UNC79: variants seen among roughly 807,000 people sequenced by gnomAD.
UNC79 encodes unc-79 subunit of NALCN channel complex.
In UNC79, 37 loss-of-function variants were observed where a neutral mutation model predicts 283.1. The observed-to-expected ratio is 0.13, with a 90% CI of 0.10 to 0.17. The LOEUF (loss-of-function observed/expected upper bound fraction) is 0.17. Among genes scored for constraint, UNC79 ranks in the 10% least tolerant of loss-of-function variants. The pLI, the probability that UNC79 is intolerant of heterozygous loss-of-function variation, is 1.00. For missense variants in UNC79, 2,272 were observed against 3,211.1 expected, an observed-to-expected ratio of 0.71 and a Z score of 7.07; for synonymous variants, 1,107 against 1,200.2, an observed-to-expected ratio of 0.92 and a Z score of 1.61.
intron 40 of UNC79, among the ~76,000 whole-genome samples, chr14:93,665,904 T>A (rs2140504573): frequency 6.7e-6 from 1 of 150,040 alleles, no homozygotes; most frequent in South Asian, 2.1e-4. Context: ...AAGGAAGGAG[T>A]GAAATGTGTG....
Position 93,357,676 on chromosome 14 carries a change from CATATATATATATATATATATATAT to C in UNC79, c.-351+24174_-351+24197del, listed in dbSNP as rs60284787. On this transcript the variant is annotated intron_variant, in intron 1 of 49. Transcript: ENST00000256339. ...GAGTTAATACTACTTAATAAACTCC[CATATATATATATATATATATATAT>C]ATATATATATATATATATATGGATA... Among the ~76,000 whole-genome samples, 105 of 32,360 alleles carry C rather than the reference CATATATATATATATATATATATAT, an allele frequency of 3.2e-3. 3 individuals carry two copies. Among genetic ancestry groups the C allele is most frequent in the South Asian group, 0.018 (13 of 742 alleles). The allele number at this position is 32,360 out of a possible 152,430, so 21.2% of individuals were successfully genotyped here. A position where few individuals can be genotyped will look rare whatever the true frequency, so the allele number is the denominator to read the frequency against.
chr14:93,572,189 A>G, intron 15 of UNC79, 105 bp downstream of exon 15: 2 of 1,249,082 alleles, frequency 1.6e-6, no homozygotes, highest in Non-Finnish European at 2.1e-6. Flanking sequence ...ATATAATCTC[A>G]TTTATTTTTT....
chr14:93,693,657 T>C (rs2074873092), intron 46 of UNC79, among the ~76,000 whole-genome samples: 1 of 152,178 alleles, frequency 6.6e-6, no homozygotes, highest in Non-Finnish European at 1.5e-5. Context: ...GAAGCAGATC[T>C]GCAGTGAATT....
At chr14:93,463,469 C>T (rs2057036642) in intron 1 of UNC79, among the ~76,000 whole-genome samples, 1 of 152,074 alleles carries the variant, frequency 6.6e-6, no homozygotes, top group Admixed American at 6.5e-5. Flanking sequence ...TTTTTTCTTT[C>T]CCTTCGACAA....
At chr14:93,590,421 T>C (rs561966915) in intron 22 of UNC79, among the ~76,000 whole-genome samples, 3 of 152,024 alleles carry the variant, frequency 2.0e-5, no homozygotes, top group Non-Finnish European at 2.9e-5. Flanking sequence ...GGGAACAGTG[T>C]GAAGTTCGAG....
rs187821291 is a variant in UNC79 at position 93,553,490 on chromosome 14, G to A, written c.1755+10794G>A. Among the ~76,000 whole-genome samples the A allele has an allele frequency of 1.8e-4, 28 of 152,272 alleles. No homozygotes were observed. The East Asian group carries it at 5.4e-3, about 29-fold the overall frequency. On this transcript the variant is annotated intron_variant, in intron 14 of 48. Coordinates refer to ENST00000555664, the Ensembl canonical transcript of UNC79. ...CCTGCATCCAAGAGTATCCATGAGAGTCCTTTAGCTGATTATAAATCTTCT... is the reference window on the plus strand; with the variant it reads ...CCTGCATCCAAGAGTATCCATGAGAATCCTTTAGCTGATTATAAATCTTCT...
rs547415765 is a variant in UNC79 at position 93,349,184 on chromosome 14, C to G, written c.-351+15661C>G. Among the ~76,000 whole-genome samples, 3 of 152,358 alleles carry G rather than the reference C, an allele frequency of 2.0e-5. No individual in the cohort carries two copies. The East Asian group carries it at 5.8e-4, about 29-fold the overall frequency. On this transcript the variant is annotated intron_variant, in intron 1 of 49. Coordinates refer to the UNC79 transcript ENST00000256339. ...CAACTGTAACACTCACCGTGAAGGT[C>G]TGCAGCTTCATTCTTGAAGTCAGCG...
At chr14:93,608,321 G>A (rs1444910923) in intron 26 of UNC79, among the ~76,000 whole-genome samples, 1 of 152,230 alleles carries the variant, frequency 6.6e-6, no homozygotes, top group African/African-American at 2.4e-5. Context: ...TACGTAGGAT[G>A]AGTCATGTCA....
intron 35 of UNC79, among the ~76,000 whole-genome samples, chr14:93,647,186 A>G (rs2069708301): frequency 6.6e-6 from 1 of 152,248 alleles, no homozygotes; most frequent in Non-Finnish European, 1.5e-5. Context: ...ACAGTAATTC[A>G]TTCAACAAGT....
At chr14:93,487,810 C>A in intron 5 of UNC79, 55 bp downstream of exon 5, 1 of 1,528,092 alleles carries the variant, frequency 6.5e-7, no homozygotes, top group Non-Finnish European at 9.0e-7. Context: ...TTAAACAAGA[C>A]ATCAAACAAG....
chr14:93,533,626 G>A (rs939990768), intron 11 of UNC79, among the ~76,000 whole-genome samples: 1 of 152,118 alleles, frequency 6.6e-6, no homozygotes, highest in African/African-American at 2.4e-5. Flanking sequence ...GTTCACAGGT[G>A]GCAGTCTTCT....
intron 1 of UNC79, among the ~76,000 whole-genome samples, chr14:93,433,266 A>G (rs1352005602): frequency 6.6e-6 from 1 of 152,178 alleles, no homozygotes; most frequent in Non-Finnish European, 1.5e-5. Context: ...GGCTGTGGAA[A>G]GGTTAAGGAT....
At chr14:93,487,837 A>C (rs186107392) in intron 5 of UNC79, 82 bp downstream of exon 5, 7 of 1,327,768 alleles carry the variant, frequency 5.3e-6, no homozygotes, top group East Asian at 4.7e-5. Context: ...AGATGTTCTC[A>C]TGTGAGAACG....
At chr14:93,595,802 G>A (rs956499302) in intron 23 of UNC79, among the ~76,000 whole-genome samples, 1 of 152,152 alleles carries the variant, frequency 6.6e-6, no homozygotes, top group South Asian at 2.1e-4. Context: ...AGCTATAGTT[G>A]TACGTGTCTT....
intron 2 of UNC79, among the ~76,000 whole-genome samples, chr14:93,472,069 G>A (rs1051893609): frequency 6.6e-5 from 10 of 151,730 alleles, no homozygotes; most frequent in African/African-American, 2.4e-4. Context: ...ATTTTCTAAG[G>A]CAAAATGTTG....
At chr14:93,529,848 A>G (rs1212103089) in intron 10 of UNC79, among the ~76,000 whole-genome samples, 5 of 152,202 alleles carry the variant, frequency 3.3e-5, no homozygotes, top group Admixed American at 1.3e-4. Flanking sequence ...CAAGATTGCA[A>G]TGCTTCTTGT....
chr14:93,467,542 T>G (rs2057251641), intron 1 of UNC79, 129 bp from the exon 2 acceptor site: 1 of 1,081,012 alleles, frequency 9.3e-7, no homozygotes, highest in Non-Finnish European at 1.2e-6. Flanking sequence ...AAATACTGAT[T>G]AAATTCTTGT....
chr14:93,414,812 T>C (rs1281867530), intron 1 of UNC79, among the ~76,000 whole-genome samples: 2 of 152,204 alleles, frequency 1.3e-5, no homozygotes, highest in Non-Finnish European at 2.9e-5. Context: ...AGTTCACTCA[T>C]GATTTGGCTC....
chr14:93,355,568 A>G (rs939473754), intron 1 of UNC79, among the ~76,000 whole-genome samples: 5 of 151,968 alleles, frequency 3.3e-5, no homozygotes, highest in Admixed American at 3.3e-4. Context: ...CCTGACCTCC[A>G]GTGATCTGCC....
Sources: gnomAD v4.1 joint callset for allele counts (sites outside exome capture counted in the v4.1 genomes callset) on GRCh38, gnomAD v4.1.1 for gene constraint, MANE v1.5 for transcripts, NCBI Gene and HGNC (gene_info 2026-07-23, HGNC 2026-07-21) for gene names.